The following LRRC69 variants were observed in gnomAD, a reference collection of about 807,000 sequenced individuals.
LRRC69 encodes the protein leucine rich repeat containing 69, also known as leucine-rich repeat-containing protein 69.
LRRC69 carries 42 observed loss-of-function variants against 37.8 expected under a neutral mutation model. That is an observed-to-expected ratio of 1.11 (90% CI 0.87 to 1.44). LRRC69 has a LOEUF of 1.44. Among genes scored for constraint, LRRC69 ranks in the 40% most tolerant of loss-of-function variants. The pLI is 0.00. For missense variants in LRRC69, 357 were observed against 401.9 expected, an observed-to-expected ratio of 0.89 and a Z score of 0.96; for synonymous variants, 141 against 143.1, an observed-to-expected ratio of 0.99 and a Z score of 0.11.
rs1485687510 is a variant in LRRC69, at chr8:91,169,680, C to A, written c.652-19842C>A. Among the ~76,000 whole-genome samples, 19 of 106,788 alleles carry A rather than the reference C, an allele frequency of 1.8e-4. 2 individuals carry two copies. Among genetic ancestry groups the A allele is most frequent in the African/African-American group, 7.4e-4 (17 of 22,878 alleles). 70.1% of individuals were successfully genotyped at this position (106,788 alleles called of 152,430 possible). ...ATGCTATCCCCTCCCCCCCTACCCC[C>A]ACCCCACAACAGTCCCCAGAGTGTG... On this transcript the variant is annotated intron_variant, in intron 5 of 7. Coordinates refer to ENST00000448384, the Ensembl canonical transcript of LRRC69.
At chr8:91,127,610 A>G (rs1813742434) in intron 3 of LRRC69, among the ~76,000 whole-genome samples, 1 of 148,194 alleles carries the variant, frequency 6.7e-6, no homozygotes, top group East Asian at 1.9e-4. Flanking sequence ...CCAAAAAAAA[A>G]AAAAAAAAAA....
intron 7 of LRRC69, among the ~76,000 whole-genome samples, chr8:91,210,417 G>A (rs1331827033): frequency 6.6e-6 from 1 of 152,022 alleles, no homozygotes; most frequent in Non-Finnish European, 1.5e-5. Context: ...AGCTATCTTT[G>A]TATATTTGAA....
At chr8:91,135,670 A>C (rs1423460062) in exon 5 of LRRC69, 2 of 1,461,618 alleles carry the variant, frequency 1.4e-6, no homozygotes, top group African/African-American at 3.0e-5. Flanking sequence ...TGACACAGGA[A>C]CTTTGTGATC....
intron 3 of LRRC69, among the ~76,000 whole-genome samples, chr8:91,127,652 A>G (rs1014765299): frequency 2.7e-5 from 4 of 146,742 alleles, no homozygotes; most frequent in Non-Finnish European, 4.4e-5. Flanking sequence ...CTTATCCTGC[A>G]TATCTGCACA....
chr8:91,197,849 C>G (rs559866837), intron 6 of LRRC69, among the ~76,000 whole-genome samples: 1 of 152,056 alleles, frequency 6.6e-6, no homozygotes, highest in Non-Finnish European at 1.5e-5. Flanking sequence ...TGTTCCTATT[C>G]GGCCATCTTG....
At chr8:91,143,566 C>G (rs755665284) in intron 5 of LRRC69, among the ~76,000 whole-genome samples, 2 of 151,824 alleles carry the variant, frequency 1.3e-5, no homozygotes, top group Non-Finnish European at 2.9e-5. Context: ...GGTTTGTAGG[C>G]ACATACTGTT....
chr8:91,160,283 G>A (rs568595212), intron 5 of LRRC69, among the ~76,000 whole-genome samples: 17 of 149,860 alleles, frequency 1.1e-4, no homozygotes, highest in Admixed American at 4.0e-4. Flanking sequence ...GTTTTTTGGC[G>A]GAATCTTTAG....
chr8:91,114,465 AT>A (rs1813473078), intron 1 of LRRC69, among the ~76,000 whole-genome samples: 1 of 113,236 alleles, frequency 8.8e-6, no homozygotes, highest in Non-Finnish European at 2.2e-5. Flanking sequence ...GTATATATAT[AT>A]GTATGTATGC....
Position 91,206,932 on chromosome 8 carries a change from G to A in LRRC69, c.933+6140G>A, listed in dbSNP as rs548623589. The A allele has an allele frequency of 5.0e-6, 5 of 993,636 alleles. No homozygotes were observed. In the South Asian group the frequency reaches 7.0e-5, roughly 14 times the overall value. The allele number at this position is 993,636 out of a possible 1,614,324, so 61.6% of individuals were successfully genotyped here. A position where few individuals can be genotyped will look rare whatever the true frequency, so the allele number is the denominator to read the frequency against. On this transcript the variant is annotated intron_variant, in intron 7 of 7. Transcript: ENST00000448384. ...GTTATTCCTGATCCTTAACCAGAGA[G>A]TCTGGGCTATGTTTCCTATGCTTTT...
chr8:91,134,184 G>T (rs945565117), intron 4 of LRRC69, among the ~76,000 whole-genome samples: 1 of 151,204 alleles, frequency 6.6e-6, no homozygotes, highest in African/African-American at 2.4e-5. Context: ...AGGATAGCAA[G>T]TAGTTGATGG....
At chr8:91,161,285 T>C (rs74465102) in intron 5 of LRRC69, among the ~76,000 whole-genome samples, 7,938 of 151,448 alleles carry the variant, frequency 0.052, 296 homozygotes, top group Middle Eastern at 0.16. Flanking sequence ...TTTGTGGTTT[T>C]GGTATAAGGG....
chr8:91,184,289 C>T (rs1256684915), intron 5 of LRRC69, among the ~76,000 whole-genome samples: 2 of 152,112 alleles, frequency 1.3e-5, no homozygotes, highest in Non-Finnish European at 2.9e-5. Flanking sequence ...CTCATCCCCC[C>T]ACCCCGAATT....
downstream of LRRC69, chr8:91,219,086 G>A: frequency 3.6e-6 from 2 of 563,368 alleles, no homozygotes; most frequent in Non-Finnish European, 6.0e-6. Flanking sequence ...AAGATACCAT[G>A]CCTGTTCTCT....
chr8:91,126,770 T>G (rs1318021165), intron 2 of LRRC69, among the ~76,000 whole-genome samples: 1 of 152,026 alleles, frequency 6.6e-6, no homozygotes, highest in African/African-American at 2.4e-5. Context: ...GAAGCTGTAA[T>G]GAAGAACTAA....
At chr8:91,167,705 C>A (rs1809054079) in intron 5 of LRRC69, among the ~76,000 whole-genome samples, 1 of 151,926 alleles carries the variant, frequency 6.6e-6, no homozygotes, top group African/African-American at 2.4e-5. Flanking sequence ...TTCAAGCTAC[C>A]AATATAATGT....
At chr8:91,183,620 A>G (rs1809358729) in intron 5 of LRRC69, among the ~76,000 whole-genome samples, 1 of 152,166 alleles carries the variant, frequency 6.6e-6, no homozygotes, top group Admixed American at 6.5e-5. Flanking sequence ...TGGGTAAAAA[A>G]AAAAAGAAGA....
At chr8:91,152,897 G>T (rs1808766131) in intron 5 of LRRC69, among the ~76,000 whole-genome samples, 1 of 151,154 alleles carries the variant, frequency 6.6e-6, no homozygotes, top group South Asian at 2.1e-4. Flanking sequence ...AAAAGTAAAT[G>T]GGCTAAATAC....
intron 5 of LRRC69, among the ~76,000 whole-genome samples, chr8:91,144,703 T>C (rs1808586898): frequency 6.6e-6 from 1 of 151,404 alleles, no homozygotes; most frequent in Non-Finnish European, 1.5e-5. Flanking sequence ...TCCACACCAG[T>C]CTAAGCATAT....
intron 7 of LRRC69, among the ~76,000 whole-genome samples, chr8:91,207,314 G>A (rs192511847): frequency 1.4e-4 from 21 of 152,338 alleles, no homozygotes; most frequent in African/African-American, 4.8e-4. Flanking sequence ...ATGAGGTAAT[G>A]CATAAACAGT....
Sources: allele counts gnomAD v4.1 joint callset (sites outside exome capture counted in the v4.1 genomes callset), GRCh38; gene constraint gnomAD v4.1.1; transcripts MANE v1.5; gene names NCBI Gene and HGNC (gene_info 2026-07-23, HGNC 2026-07-21).